PLA2R1: variants seen among roughly 807,000 people sequenced by gnomAD.
PLA2R1 encodes secretory phospholipase A2 receptor.
In PLA2R1, 158 loss-of-function variants were observed where a neutral mutation model predicts 195.9. The ratio of observed to expected loss-of-function variants is 0.81; its 90% CI spans 0.71 to 0.92. The LOEUF is 0.92. PLA2R1 is among the 40% of genes least tolerant of loss of function. The probability of loss-of-function intolerance (pLI) is 0.00; values close to 1 mark genes in which losing one functional copy is unlikely to be tolerated. For missense variants in PLA2R1, 1,626 were observed against 1,764.6 expected (o/e 0.92, Z 1.41); for synonymous variants, 586 against 598.2 (o/e 0.98, Z 0.30).
At chr2:160,041,310 AAGT>A (rs1221739534) in intron 3 of PLA2R1, among the ~76,000 whole-genome samples, 2 of 152,206 alleles carry the variant, frequency 1.3e-5, no homozygotes, top group Non-Finnish European at 2.9e-5. Flanking sequence ...TGAATATAGA[AAGT>A]AGGAGGCATA....
intron 12 of PLA2R1, among the ~76,000 whole-genome samples, chr2:159,985,243 T>C (rs761670020): frequency 6.6e-6 from 1 of 152,216 alleles, no homozygotes; most frequent in African/African-American, 2.4e-5. Flanking sequence ...CCTATTATTC[T>C]ATGAATGTAA....
At chr2:160,000,073 T>A (rs1263492079) in intron 11 of PLA2R1, among the ~76,000 whole-genome samples, 1 of 152,190 alleles carries the variant, frequency 6.6e-6, no homozygotes, top group Admixed American at 6.6e-5. Flanking sequence ...CCCTAAAGGT[T>A]TCTTTCCAAT....
chr2:159,949,553 T>C, intron 25 of PLA2R1, 55 bp downstream of exon 25: 1 of 1,315,122 alleles, frequency 7.6e-7, no homozygotes, highest in South Asian at 1.2e-5. Flanking sequence ...GCACAGTGTC[T>C]TGCATACAGT....
At chr2:159,990,917 T>C (rs945333099) in intron 11 of PLA2R1, among the ~76,000 whole-genome samples, 1 of 151,462 alleles carries the variant, frequency 6.6e-6, no homozygotes, top group Non-Finnish European at 1.5e-5. Context: ...TATATGGTCT[T>C]TTCCCTATTT....
chr2:160,040,280 C>T (rs1039391624), intron 3 of PLA2R1, among the ~76,000 whole-genome samples: 1 of 151,848 alleles, frequency 6.6e-6, no homozygotes, highest in Non-Finnish European at 1.5e-5. Context: ...ACCCCCACTA[C>T]CCAGGCTTCC....
chr2:160,016,292 A>G (rs965582152), intron 9 of PLA2R1, among the ~76,000 whole-genome samples: 11 of 151,734 alleles, frequency 7.2e-5, no homozygotes, highest in African/African-American at 2.7e-4. Context: ...AGAAAAAGAA[A>G]AGAAAGAAAG....
downstream of PLA2R1, among the ~76,000 whole-genome samples, chr2:159,927,290 T>G (rs933817622): frequency 6.6e-6 from 1 of 152,192 alleles, no homozygotes; most frequent in African/African-American, 2.4e-5. Context: ...CTTTTAAAGT[T>G]CTCTTTTTAC....
intron 3 of PLA2R1, 129 bp from the exon 4 acceptor site, chr2:160,033,261 G>C: frequency 1.6e-6 from 1 of 613,716 alleles, no homozygotes; most frequent in Non-Finnish European, 2.7e-6. Flanking sequence ...ATCTATTCTT[G>C]ATTAGGTCTT....
the PLA2R1 span, among the ~76,000 whole-genome samples, chr2:159,924,199 A>G: frequency 1.3e-5 from 2 of 152,070 alleles, no homozygotes; most frequent in Non-Finnish European, 2.9e-5. Flanking sequence ...TGCATGTTGA[A>G]TCTCCCTCTG....
At chr2:159,929,171 G>T (rs1686538130), downstream of PLA2R1, among the ~76,000 whole-genome samples, 3 of 152,158 alleles carry the variant, frequency 2.0e-5, no homozygotes, top group African/African-American at 7.2e-5. Context: ...TTAAACTAAA[G>T]AGCTTCTGCA....
rs75913551 is a variant in PLA2R1, at chr2:159,976,227, T to C, written c.2438-2A>G. The C allele has an allele frequency of 7.0e-4, 1,107 of 1,592,664 alleles. 8 individuals carry two copies. In the African/African-American group the frequency reaches 0.013, roughly 19 times the overall value. ...CCTGATAAAAGAGCCAGGGTACATC[T>C]GAAAAAGAAACAGTGAAAATAATGC... On this transcript the variant is annotated splice_acceptor_variant, in intron 16 of 29. Transcript: ENST00000283243. LOFTEE classifies it high-confidence loss of function.
At chr2:159,946,037 T>G (rs1202041796) in intron 27 of PLA2R1, 1 of 983,872 alleles carries the variant, frequency 1.0e-6, no homozygotes, top group African/African-American at 1.7e-5. Flanking sequence ...GATTTTACAG[T>G]GAATTTCTTT....
Position 160,044,231 on chromosome 2 carries a change from C to G in PLA2R1, c.493+543G>C, listed in dbSNP as rs111365272. Among the ~76,000 whole-genome samples, 8 of 152,170 alleles carry G rather than the reference C, an allele frequency of 5.3e-5. No homozygotes were observed. In the South Asian group the frequency reaches 1.7e-3, roughly 32 times the overall value. On this transcript the variant is annotated intron_variant, in intron 2 of 29. Coordinates refer to ENST00000283243, the MANE Select transcript of PLA2R1 (RefSeq NM_007366.5). ...ATGCTTCCCCACCAACCATGCTTGG[C>G]ACACACCAAATAACCCCCGACAATA...
chr2:159,952,744 T>C (rs1325691247), intron 23 of PLA2R1, among the ~76,000 whole-genome samples: 1 of 152,218 alleles, frequency 6.6e-6, no homozygotes, highest in African/African-American at 2.4e-5. Context: ...CACTATTGTA[T>C]GGAGACACAG....
intron 28 of PLA2R1, among the ~76,000 whole-genome samples, chr2:159,944,592 G>T (rs2271380): frequency 6.6e-6 from 1 of 152,278 alleles, no homozygotes; most frequent in East Asian, 1.9e-4. Context: ...TCACCAGAAT[G>T]AAGGTTGCTG....
chr2:159,983,838 A>G, intron 13 of PLA2R1, 90 bp downstream of exon 13: 1 of 618,378 alleles, frequency 1.6e-6, no homozygotes, highest in South Asian at 2.9e-5. Context: ...TGGGAATTTT[A>G]AACAACTACT....
At chr2:159,968,807 T>C (rs575064440) in intron 19 of PLA2R1, among the ~76,000 whole-genome samples, 1 of 152,214 alleles carries the variant, frequency 6.6e-6, no homozygotes, top group African/African-American at 2.4e-5. Context: ...TGATGACAGG[T>C]AGTAAAAGAA....
At chr2:160,060,662 T>TA (rs34207496) in intron 1 of PLA2R1, among the ~76,000 whole-genome samples, 1 of 152,288 alleles carries the variant, frequency 6.6e-6, no homozygotes, top group Admixed American at 6.5e-5. Flanking sequence ...CCTTGACTAC[T>TA]AAAAAGAAGG....
At position 159,946,870 on chromosome 2, in the gene PLA2R1, G is replaced by T; in HGVS notation, c.3898C>A (p.Leu1300Ile). The stretch of plus-strand genomic sequence containing the variant: ...GAACCAAAAGCAAACAGCTCTTCTA[G>T]GAGAAATGCATTTTCAGCCTCATCC... ...IKDEAENAFL[L>I]EELFAFGSSV... Residue 1300 changes from leucine to isoleucine, a missense_variant, in exon 27 of 30, where the codon CTA (leucine) becomes ATA (isoleucine). Physicochemically the swap from Leu to Ile is conservative, Grantham distance 5. Transcript: ENST00000283243. 2 of 1,610,998 alleles carry T rather than the reference G, an allele frequency of 1.2e-6. No homozygotes were observed. The highest frequency in any genetic ancestry group is 1.7e-6 in the Non-Finnish European group (2 of 1,178,818).
Sources: allele counts gnomAD v4.1 joint callset (sites outside exome capture counted in the v4.1 genomes callset), GRCh38; gene constraint gnomAD v4.1.1; transcripts MANE v1.5; gene names NCBI Gene and HGNC (gene_info 2026-07-23, HGNC 2026-07-21).